CYTH1: variants seen among roughly 807,000 people sequenced by gnomAD.
CYTH1 encodes cytohesin-1.
A neutral mutation model predicts 61.8 loss-of-function variants in CYTH1; 18 were observed. The ratio of observed to expected loss-of-function variants is 0.29; its 90% CI spans 0.20 to 0.43. The LOEUF (loss-of-function observed/expected upper bound fraction) is 0.43, where lower values mean the gene tolerates loss of function less well. Among genes scored for constraint, CYTH1 ranks in the 20% least tolerant of loss-of-function variants. CYTH1 has a pLI of 1.00. For missense variants in CYTH1, 336 were observed against 510.5 expected (o/e 0.66, Z 3.29); for synonymous variants, 174 against 184.3 (o/e 0.94, Z 0.45).
intron 1 of CYTH1, among the ~76,000 whole-genome samples, chr17:78,722,288 T>G (rs558824180): frequency 6.6e-6 from 1 of 152,238 alleles, no homozygotes; most frequent in Admixed American, 6.5e-5. Flanking sequence ...ATAGCTGACA[T>G]AGCTGGGGTT....
At chr17:78,728,136 G>A (rs2093276017) in intron 1 of CYTH1, among the ~76,000 whole-genome samples, 3 of 152,222 alleles carry the variant, frequency 2.0e-5, no homozygotes, top group Admixed American at 2.0e-4. Context: ...GGTTCCTGCA[G>A]CAGGGCCAGC....
In CYTH1 at chr17:78,782,206, G is replaced by C; in HGVS notation, c.18C>G (p.Ser6Arg). The C allele has an allele frequency of 7.3e-7, 1 of 1,370,928 alleles. No homozygotes were observed. Among genetic ancestry groups the C allele is most frequent in the Non-Finnish European group, 9.5e-7 (1 of 1,047,406 alleles). 84.9% of individuals were successfully genotyped at this position (1,370,928 alleles called of 1,614,324 possible). Residue 6 changes from serine (S) to arginine (R), a missense_variant, in exon 1 of 14, where the codon AGC (serine) becomes AGG (arginine). Physicochemically the swap from Ser to Arg is moderately radical, Grantham distance 110. This residue lies in a region of CYTH1 where 112 missense variants were observed against 127.1 expected (regional missense o/e 0.88). Coordinates refer to ENST00000446868, the MANE Select transcript of CYTH1 (RefSeq NM_004762.6). MEEDD[S>R]YVPSDLTAEE... ...CCGCCGCCGGGGCGCACTGACCGTA[G>C]CTGTCGTCCTCCTCCATGGTGCGGG...
intron 1 of CYTH1, among the ~76,000 whole-genome samples, chr17:78,718,922 T>C (rs28635237): frequency 0.013 from 2,031 of 152,358 alleles, 47 homozygotes; most frequent in African/African-American, 0.045. Flanking sequence ...CATTGACGCA[T>C]TCAGCCTGCA....
rs537239014 is a variant in CYTH1 at position 78,675,755 on chromosome 17, G to A, written c.*336C>T. On this transcript the variant is annotated 3_prime_UTR_variant, in exon 14 of 14. Coordinates refer to ENST00000446868, the MANE Select transcript of CYTH1 (RefSeq NM_004762.6). ...CAGGGTTTGAAGGCTTCTTCACGGG[G>A]ACAACCAAGAGGTAAACAGTTGGCT... The A allele has an allele frequency of 1.3e-6, 1 of 788,992 alleles. No individual in the cohort carries two copies. Among genetic ancestry groups the A allele is most frequent in the South Asian group, 2.6e-5 (1 of 39,158 alleles). 48.9% of individuals were successfully genotyped at this position (788,992 alleles called of 1,614,324 possible).
At chr17:78,776,382 C>T (rs538300624) in intron 1 of CYTH1, among the ~76,000 whole-genome samples, 6 of 152,184 alleles carry the variant, frequency 3.9e-5, no homozygotes, top group South Asian at 4.1e-4. Context: ...ACAAGCCAGG[C>T]GCAATGGCTC....
At chr17:78,691,113 T>C (rs994806296) in intron 11 of CYTH1, among the ~76,000 whole-genome samples, 7 of 152,220 alleles carry the variant, frequency 4.6e-5, no homozygotes, top group South Asian at 2.1e-4. Context: ...TACTCTCATA[T>C]GAAAAGACTA....
rs370393556 is a variant in CYTH1 at position 78,760,355 on chromosome 17, TTATATATATATA to T, written c.22+21835_22+21846del. On this transcript the variant is annotated intron_variant, in intron 1 of 13. Transcript: ENST00000446868. ...TCTGGCCTCTATCCAAATAGCAGGT[TTATATATATATA>T]TATATATATATATATATACACACAC... is the stretch of plus-strand genomic sequence containing the variant. Among the ~76,000 whole-genome samples, 58 of 52,274 alleles carry T rather than the reference TTATATATATATA, an allele frequency of 1.1e-3. 2 individuals carry two copies. The East Asian group carries it at 0.016, about 15-fold the overall frequency. 34.3% of individuals were successfully genotyped at this position (52,274 alleles called of 152,430 possible). A position where few individuals can be genotyped will look rare whatever the true frequency, so the allele number is the denominator to read the frequency against.
In CYTH1 at chr17:78,717,102, C is replaced by T. The variant is rs550448891; in HGVS notation, c.23-7370G>A. ...CCTCCCCCACTGCCACGTGCTGCAG[C>T]CATGCTTATGTGCCAGGGAGGCGGT... On this transcript the variant is annotated intron_variant, in intron 1 of 13. Coordinates refer to ENST00000446868, the MANE Select transcript of CYTH1 (RefSeq NM_004762.6). The surrounding 1 kb of genome is among the most constrained non-coding windows in gnomAD (Gnocchi z 4.4). 4 of 152,574 alleles carry T rather than the reference C, an allele frequency of 2.6e-5. No individual in the cohort carries two copies. The highest frequency in any genetic ancestry group is 5.9e-5 in the Non-Finnish European group (4 of 68,294). The allele number at this position is 152,574 out of a possible 1,614,324, so 9.5% of individuals were successfully genotyped here. A position where few individuals can be genotyped will look rare whatever the true frequency, so the allele number is the denominator to read the frequency against.
intron 1 of CYTH1, among the ~76,000 whole-genome samples, chr17:78,755,873 C>T (rs2093398679): frequency 6.6e-6 from 1 of 150,416 alleles, no homozygotes; most frequent in African/African-American, 2.5e-5. Flanking sequence ...TTCATGCCAC[C>T]ACACTCCAGC....
chr17:78,772,125 A>G (rs1416852133), intron 1 of CYTH1, among the ~76,000 whole-genome samples: 1 of 152,166 alleles, frequency 6.6e-6, no homozygotes, highest in Non-Finnish European at 1.5e-5. Flanking sequence ...CAACGGAGCA[A>G]ATGGACAGGT....
chr17:78,695,362 G>T (rs2092928060), intron 10 of CYTH1, among the ~76,000 whole-genome samples: 1 of 152,078 alleles, frequency 6.6e-6, no homozygotes, highest in African/African-American at 2.4e-5. Flanking sequence ...CTTCAGGGAG[G>T]GTTTTTTGGT....
At chr17:78,676,904 A>G in intron 13 of CYTH1, 2 of 432,570 alleles carry the variant, frequency 4.6e-6, no homozygotes, top group South Asian at 3.3e-5. Flanking sequence ...AAGTCCTGAC[A>G]CTTAATTTCT....
chr17:78,686,672 G>C (rs2092819972), intron 11 of CYTH1, among the ~76,000 whole-genome samples: 1 of 152,156 alleles, frequency 6.6e-6, no homozygotes, highest in Admixed American at 6.5e-5. Context: ...AGCCTTTTTG[G>C]TACCAGGAAC....
chr17:78,730,926 A>G (rs1310856294), intron 1 of CYTH1, among the ~76,000 whole-genome samples: 1 of 152,068 alleles, frequency 6.6e-6, no homozygotes, highest in Non-Finnish European at 1.5e-5. Context: ...GGCCTCCCAA[A>G]GTGCTGGGAT....
intron 1 of CYTH1, among the ~76,000 whole-genome samples, chr17:78,713,030 A>T (rs927593121): frequency 6.6e-6 from 1 of 151,942 alleles, no homozygotes; most frequent in East Asian, 1.9e-4. Context: ...CACCCCCGCC[A>T]AACCCACCAC....
At chr17:78,758,369 TGAG>T (rs1161772794) in intron 1 of CYTH1, among the ~76,000 whole-genome samples, 2 of 152,032 alleles carry the variant, frequency 1.3e-5, no homozygotes, top group African/African-American at 2.4e-5. Context: ...ATGCCCCCAT[TGAG>T]GAGAAGAAGC....
chr17:78,711,149 C>G (rs2093125265), intron 1 of CYTH1, among the ~76,000 whole-genome samples: 1 of 151,728 alleles, frequency 6.6e-6, no homozygotes, highest in Non-Finnish European at 1.5e-5. Flanking sequence ...GTAGTCCCAG[C>G]TACTCGGGAG....
chr17:78,698,474 C>A lies in CYTH1; in HGVS notation c.700-94G>T, dbSNP rs182275047. The A allele has an allele frequency of 1.6e-5, 16 of 1,017,256 alleles. No individual in the cohort carries two copies. The East Asian group carries it at 3.8e-4, about 24-fold the overall frequency. 63.0% of individuals were successfully genotyped at this position (1,017,256 alleles called of 1,614,324 possible). On this transcript the variant is annotated intron_variant, in intron 8 of 13. Transcript: ENST00000446868. ...ATTCATTCCACAAGCATTCATGTGC[C>A]TATAGTAAGCCAAGCCTGCTAGATG... is the stretch of plus-strand genomic sequence containing the variant.
At chr17:78,718,950 A>AG (rs1482408107) in intron 1 of CYTH1, among the ~76,000 whole-genome samples, 3 of 152,210 alleles carry the variant, frequency 2.0e-5, no homozygotes, top group Non-Finnish European at 4.4e-5. Context: ...CTTGCCTACT[A>AG]GGTGGAAGGC....
Sources: gnomAD v4.1 joint callset for allele counts (sites outside exome capture counted in the v4.1 genomes callset) on GRCh38, gnomAD v4.1.1 for gene constraint, gnomAD v4.1.1 regional missense constraint, Gnocchi (gnomAD v3.1) non-coding constraint, MANE v1.5 for transcripts, NCBI Gene and HGNC (gene_info 2026-07-23, HGNC 2026-07-21) for gene names.